ZC3H12B: variants seen among roughly 807,000 people sequenced by gnomAD.
ZC3H12B encodes the protein probable ribonuclease ZC3H12B.
In ZC3H12B, 7 loss-of-function variants were observed where a neutral mutation model predicts 43.9. The observed-to-expected ratio is 0.16, with a 90% CI of 0.09 to 0.30. ZC3H12B has a LOEUF of 0.30. Ranked by LOEUF, ZC3H12B falls within the 10% of genes least tolerant of loss-of-function variation. The probability of loss-of-function intolerance (pLI) is 1.00; values close to 1 mark genes in which losing one functional copy is unlikely to be tolerated. For missense variants in ZC3H12B, 475 were observed against 670.2 expected, an observed-to-expected ratio of 0.71 and a Z score of 3.22; for synonymous variants, 222 against 241.7, an observed-to-expected ratio of 0.92 and a Z score of 0.76.
chrX:65,118,430 T>G, the ZC3H12B span, among the ~76,000 whole-genome samples: 4 of 111,908 alleles, frequency 3.6e-5, no homozygotes, highest in African/African-American at 1.3e-4. Flanking sequence ...GAGACTTTCC[T>G]GAAGTTGCTT....
At chrX:65,071,892 T>G in the ZC3H12B span, among the ~76,000 whole-genome samples, 1 of 111,800 alleles carries the variant, frequency 8.9e-6, no homozygotes, top group Non-Finnish European at 1.9e-5. Context: ...CATTTTTTCT[T>G]TCATTTTGAC....
the ZC3H12B span, among the ~76,000 whole-genome samples, chrX:65,102,186 C>A: frequency 2.7e-5 from 3 of 111,667 alleles, no homozygotes; most frequent in Non-Finnish European, 3.8e-5. Flanking sequence ...ATTCAACACG[C>A]CTTCAAGCTA....
At chrX:65,390,589 A>G (rs754006107) in intron 2 of ZC3H12B, among the ~76,000 whole-genome samples, 5 of 111,514 alleles carry the variant, frequency 4.5e-5, no homozygotes, top group African/African-American at 1.6e-4. Flanking sequence ...ACATATTCTT[A>G]GAGAATAAGA....
At chrX:65,352,842 T>A in the ZC3H12B span, among the ~76,000 whole-genome samples, 4 of 111,653 alleles carry the variant, frequency 3.6e-5, no homozygotes, top group African/African-American at 1.3e-4. Context: ...CGATAAGAGA[T>A]CTTTGTTTTT....
At chrX:65,370,595 T>A (rs2066231581) in intron 2 of ZC3H12B, among the ~76,000 whole-genome samples, 1 of 112,073 alleles carries the variant, frequency 8.9e-6, no homozygotes, top group Non-Finnish European at 1.9e-5. Flanking sequence ...TATCTATATA[T>A]CCCTAAGGAA....
At chrX:65,326,539 T>G in the ZC3H12B span, among the ~76,000 whole-genome samples, 1 of 109,911 alleles carries the variant, frequency 9.1e-6, no homozygotes, top group Non-Finnish European at 1.9e-5. Flanking sequence ...GAGAAGTTGA[T>G]TAATAGGTAC....
intron 3 of ZC3H12B, among the ~76,000 whole-genome samples, chrX:65,409,601 T>G (rs995543103): frequency 1.0e-5 from 1 of 99,692 alleles, no homozygotes; most frequent in African/African-American, 3.8e-5. Flanking sequence ...CACACACAAT[T>G]AGAACTGATA....
intron 2 of ZC3H12B, among the ~76,000 whole-genome samples, chrX:65,397,150 C>T (rs2066709865): frequency 9.0e-6 from 1 of 111,384 alleles, no homozygotes; most frequent in Admixed American, 9.5e-5. Context: ...CTTGACTATC[C>T]AACTTGCCAG....
the ZC3H12B span, among the ~76,000 whole-genome samples, chrX:65,105,054 C>A: frequency 8.9e-6 from 1 of 111,743 alleles, no homozygotes; most frequent in Non-Finnish European, 1.9e-5. Context: ...CACATATACA[C>A]CATGGAATAC....
chrX:65,459,509 A>G (rs1167983043), intron 3 of ZC3H12B, among the ~76,000 whole-genome samples: 4 of 111,699 alleles, frequency 3.6e-5, no homozygotes, highest in Non-Finnish European at 7.5e-5. Context: ...CTTATCCACC[A>G]TGATCAAGTG....
the ZC3H12B span, among the ~76,000 whole-genome samples, chrX:65,081,892 G>T: frequency 9.0e-6 from 1 of 111,458 alleles, no homozygotes; most frequent in Non-Finnish European, 1.9e-5. Context: ...CACAAAACAA[G>T]TCTCAAAAAA....
chrX:65,443,320 C>T (rs1412646351), intron 3 of ZC3H12B, among the ~76,000 whole-genome samples: 1 of 110,822 alleles, frequency 9.0e-6, no homozygotes, highest in Non-Finnish European at 1.9e-5. Flanking sequence ...TGGATTCGAG[C>T]CCCCACGAAT....
the ZC3H12B span, among the ~76,000 whole-genome samples, chrX:65,346,825 C>T: frequency 8.9e-6 from 1 of 112,332 alleles, no homozygotes; most frequent in East Asian, 2.8e-4. Flanking sequence ...GATAAAAACC[C>T]TATATCCCTG....
chrX:65,489,522 G>A (rs906432545), intron 1 of ZC3H12B, 113 bp downstream of exon 6: 2 of 902,612 alleles, frequency 2.2e-6, no homozygotes, highest in African/African-American at 2.0e-5. Context: ...TGTGGCGTGT[G>A]TTTCTGAAGG....
chrX:65,336,118 T>A, the ZC3H12B span, among the ~76,000 whole-genome samples: 1 of 112,196 alleles, frequency 8.9e-6, no homozygotes, highest in East Asian at 2.8e-4. Flanking sequence ...TACAACATAT[T>A]CACTACAGCT....
At chrX:65,113,615 G>A in the ZC3H12B span, among the ~76,000 whole-genome samples, 1 of 109,523 alleles carries the variant, frequency 9.1e-6, no homozygotes, top group African/African-American at 3.3e-5. Flanking sequence ...GAGAAATCTT[G>A]CATGAGAATC....
chrX:65,308,358 C>T, the ZC3H12B span, among the ~76,000 whole-genome samples: 1 of 110,672 alleles, frequency 9.0e-6, no homozygotes, highest in Admixed American at 9.6e-5. Flanking sequence ...TCTGATAAAA[C>T]AGACTTTAAA....
chrX:65,040,190 T>C, the ZC3H12B span, among the ~76,000 whole-genome samples: 1 of 111,653 alleles, frequency 9.0e-6, no homozygotes, highest in African/African-American at 3.2e-5. Flanking sequence ...ATAAGTTTCA[T>C]TCCACAGGTC....
the ZC3H12B span, among the ~76,000 whole-genome samples, chrX:65,229,623 G>A: frequency 0.015 from 1,612 of 106,202 alleles, 47 homozygotes; most frequent in Admixed American, 0.072. Context: ...GAAAATTTTC[G>A]CAACCTACTC....
Sources: allele counts gnomAD v4.1 joint callset (sites outside exome capture counted in the v4.1 genomes callset), GRCh38; gene constraint gnomAD v4.1.1; transcripts MANE v1.5; gene names NCBI Gene and HGNC (gene_info 2026-07-23, HGNC 2026-07-21).